PLEKHH2: variants seen among roughly 807,000 people sequenced by gnomAD.
PLEKHH2 encodes pleckstrin homology, MyTH4 and FERM domain containing H2.
Under a neutral mutation model 187.9 loss-of-function variants are expected in PLEKHH2, and 129 were observed. The observed-to-expected ratio is 0.69, with a 90% CI of 0.59 to 0.79. The LOEUF (loss-of-function observed/expected upper bound fraction) is 0.79. PLEKHH2 is among the 30% of genes least tolerant of loss of function. The probability of loss-of-function intolerance (pLI) is 0.00; values close to 1 mark genes in which losing one functional copy is unlikely to be tolerated. For synonymous variants in PLEKHH2, 686 were observed against 605.6 expected (o/e 1.13, Z -1.95); for missense variants, 2,076 against 1,751.2 (o/e 1.19, Z -3.31).
intron 11 of PLEKHH2, among the ~76,000 whole-genome samples, chr2:43,709,092 G>A (rs1391861314): frequency 6.6e-6 from 1 of 152,108 alleles, no homozygotes; most frequent in Non-Finnish European, 1.5e-5. Flanking sequence ...CAACTCCCAG[G>A]TAGTTTTCTG....
rs1024523239 is a variant in PLEKHH2 at position 43,681,543 on chromosome 2, G to C, written c.186+2618G>C. On this transcript the variant is annotated intron_variant, in intron 3 of 29. Coordinates refer to ENST00000282406, the MANE Select transcript of PLEKHH2 (RefSeq NM_172069.4). ...GCCAGAAATGTGCTTTGCGTATGCA[G>C]AAAGACTCACTTCTGTGGGCCCGCA... 4.9e-6 allele frequency: 7 copies of C among 1,417,846 alleles called. No individual in the cohort carries two copies. In the African/African-American group the frequency reaches 9.9e-5, roughly 20 times the overall value. The allele number at this position is 1,417,846 out of a possible 1,614,324, so 87.8% of individuals were successfully genotyped here. A position where few individuals can be genotyped will look rare whatever the true frequency, so the allele number is the denominator to read the frequency against.
At chr2:43,744,574 A>T (rs1195746580) in intron 23 of PLEKHH2, among the ~76,000 whole-genome samples, 3 of 152,174 alleles carry the variant, frequency 2.0e-5, no homozygotes, top group Non-Finnish European at 4.4e-5. Flanking sequence ...ATGGTTTAGG[A>T]AACAGACCTG....
At chr2:43,720,564 TG>T in intron 15 of PLEKHH2, 104 bp from the exon 16 acceptor site, 1 of 1,537,596 alleles carries the variant, frequency 6.5e-7, no homozygotes. Flanking sequence ...CACTTATATC[TG>T]GGCAAACTGG....
chr2:43,714,410 C>A (rs1012112704), intron 15 of PLEKHH2, among the ~76,000 whole-genome samples: 3 of 152,152 alleles, frequency 2.0e-5, no homozygotes, highest in Admixed American at 2.0e-4. Context: ...TGCTTGTCCA[C>A]CCCCATATTT....
In PLEKHH2 at chr2:43,716,599, T is replaced by C. The variant is rs143616417; in HGVS notation, c.2461-4070T>C. On this transcript the variant is annotated intron_variant, in intron 15 of 29. Transcript: ENST00000282406. ...AAAAAGGAGCAGAGAATTTACATTG[T>C]AGTGAAGTGAGGATAGTGGTTTTTT... Among the ~76,000 whole-genome samples, 1,076 of 152,330 alleles carry C rather than the reference T, an allele frequency of 7.1e-3. 14 individuals are homozygous for C. Among genetic ancestry groups the C allele is most frequent in the African/African-American group, 0.025 (1,029 of 41,576 alleles).
Position 43,683,696 on chromosome 2 carries a change from C to A in PLEKHH2, c.186+4771C>A, listed in dbSNP as rs543059375. On this transcript the variant is annotated intron_variant, in intron 3 of 29. Coordinates refer to ENST00000282406, the MANE Select transcript of PLEKHH2 (RefSeq NM_172069.4). ...AATATAGTTAGATCTAAAAATTTGA[C>A]TTTTCTTTCTCTTTTTTCAAGACTA... Among the ~76,000 whole-genome samples, 321 of 152,006 alleles carry A rather than the reference C, an allele frequency of 2.1e-3. 6 individuals carry two copies. Among genetic ancestry groups the A allele is most frequent in the Non-Finnish European group, 3.7e-3 (253 of 67,958 alleles).
At chr2:43,670,803 T>TTAA (rs1488595321) in intron 2 of PLEKHH2, among the ~76,000 whole-genome samples, 3 of 152,186 alleles carry the variant, frequency 2.0e-5, no homozygotes, top group Non-Finnish European at 2.9e-5. Context: ...GACTCATAGT[T>TTAA]TAACTCTCCA....
chr2:43,752,243 A>C (rs1672039054), intron 24 of PLEKHH2, among the ~76,000 whole-genome samples: 1 of 152,088 alleles, frequency 6.6e-6, no homozygotes, highest in Non-Finnish European at 1.5e-5. Flanking sequence ...TGCTGATATC[A>C]TTTTGGATTT....
At chr2:43,659,330 C>T (rs947090082) in intron 2 of PLEKHH2, among the ~76,000 whole-genome samples, 7 of 151,502 alleles carry the variant, frequency 4.6e-5, no homozygotes, top group South Asian at 2.1e-4. Flanking sequence ...CTCGCCTGGT[C>T]GTTCTTGTTT....
intron 2 of PLEKHH2, chr2:43,676,370 C>T (rs868231772): frequency 6.7e-6 from 10 of 1,484,754 alleles, no homozygotes; most frequent in African/African-American, 2.8e-5. Context: ...AGCCTGGGAC[C>T]GGGTCCTGGG....
At chr2:43,758,483 C>G (rs560284008) in intron 26 of PLEKHH2, among the ~76,000 whole-genome samples, 265 of 152,230 alleles carry the variant, frequency 1.7e-3, no homozygotes, top group African/African-American at 6.1e-3. Flanking sequence ...AAACACCTGA[C>G]CCCAGGTGAT....
At chr2:43,697,035 A>G in intron 6 of PLEKHH2, 136 bp from the exon 7 acceptor site, 3 of 592,480 alleles carry the variant, frequency 5.1e-6, no homozygotes, top group Non-Finnish European at 8.4e-6. Context: ...ATGTTATTGT[A>G]CATCAATAAA....
chr2:43,706,052 C>A (rs561789652), intron 9 of PLEKHH2, among the ~76,000 whole-genome samples: 12 of 152,142 alleles, frequency 7.9e-5, no homozygotes, highest in Admixed American at 4.6e-4. Context: ...ATGGAGATTT[C>A]AAGGAAATAA....
intron 3 of PLEKHH2, chr2:43,692,272 T>G: frequency 3.3e-6 from 1 of 305,878 alleles, no homozygotes; most frequent in South Asian, 5.2e-5. Context: ...AACATGTACA[T>G]TACTTTATAT....
intron 2 of PLEKHH2, among the ~76,000 whole-genome samples, chr2:43,673,889 A>G (rs1318965837): frequency 6.6e-6 from 1 of 152,196 alleles, no homozygotes; most frequent in Non-Finnish European, 1.5e-5. Flanking sequence ...TCATTAAGAA[A>G]GCAAGTAACT....
chr2:43,650,995 T>C (rs1211284679), intron 2 of PLEKHH2, among the ~76,000 whole-genome samples: 1 of 152,040 alleles, frequency 6.6e-6, no homozygotes, highest in Non-Finnish European at 1.5e-5. Flanking sequence ...TAAAATAATC[T>C]AAGTTTTATT....
At chr2:43,748,974 A>G (rs1029608721) in intron 24 of PLEKHH2, among the ~76,000 whole-genome samples, 2 of 152,014 alleles carry the variant, frequency 1.3e-5, no homozygotes, top group Non-Finnish European at 1.5e-5. Flanking sequence ...CCAGGCTGGT[A>G]TCAAACTCCT....
At chr2:43,670,536 A>C (rs549608934) in intron 2 of PLEKHH2, among the ~76,000 whole-genome samples, 10 of 152,164 alleles carry the variant, frequency 6.6e-5, no homozygotes, top group Non-Finnish European at 1.2e-4. Context: ...CTATTCATCT[A>C]ATATGTCTGT....
intron 1 of PLEKHH2, among the ~76,000 whole-genome samples, chr2:43,642,828 T>C (rs563798899): frequency 6.6e-6 from 1 of 152,298 alleles, no homozygotes; most frequent in East Asian, 1.9e-4. Flanking sequence ...GACATTTTAC[T>C]GTAGGACATA....
Sources: gnomAD v4.1 joint callset for allele counts (sites outside exome capture counted in the v4.1 genomes callset) on GRCh38, gnomAD v4.1.1 for gene constraint, MANE v1.5 for transcripts, NCBI Gene and HGNC (gene_info 2026-07-23, HGNC 2026-07-21) for gene names.